DNER: variants seen among roughly 807,000 people sequenced by gnomAD.
DNER encodes delta and Notch-like epidermal growth factor-related receptor.
Under a neutral mutation model 78.2 loss-of-function variants are expected in DNER, and 33 were observed. That is an observed-to-expected ratio of 0.42 (90% confidence interval 0.32 to 0.56). The LOEUF (loss-of-function observed/expected upper bound fraction) is 0.56, where lower values mean the gene tolerates loss of function less well. Ranked by LOEUF, DNER falls within the 20% of genes least tolerant of loss-of-function variation. The pLI, the probability that DNER is intolerant of heterozygous loss-of-function variation, is 0.11. For synonymous variants in DNER, 417 were observed against 384.8 expected (o/e 1.08, Z -0.98); for missense variants, 918 against 975.3 (o/e 0.94, Z 0.78).
chr2:229,542,955 A>G (rs1334316010), intron 5 of DNER, among the ~76,000 whole-genome samples: 1 of 152,068 alleles, frequency 6.6e-6, no homozygotes, highest in Admixed American at 6.6e-5. Context: ...GGTAATAATA[A>G]TGGCTCAGAT....
intron 5 of DNER, among the ~76,000 whole-genome samples, chr2:229,526,023 G>C (rs187795598): frequency 6.6e-6 from 1 of 152,072 alleles, no homozygotes; most frequent in Non-Finnish European, 1.5e-5. Flanking sequence ...TGAACAAAAG[G>C]CAGGTTAGAT....
chr2:229,488,790 C>T (rs553722062), intron 6 of DNER, among the ~76,000 whole-genome samples: 215 of 152,350 alleles, frequency 1.4e-3, no homozygotes, highest in African/African-American at 4.8e-3. Context: ...ACCTGGCTCC[C>T]CTGAGCAGGA....
chr2:229,499,718 C>T (rs950283229), intron 6 of DNER, among the ~76,000 whole-genome samples: 6 of 151,564 alleles, frequency 4.0e-5, no homozygotes, highest in South Asian at 4.2e-4. Context: ...AATAGACAAA[C>T]GGGATTACAT....
At chr2:229,569,106 C>T (rs187418337) in intron 4 of DNER, among the ~76,000 whole-genome samples, 4 of 151,962 alleles carry the variant, frequency 2.6e-5, no homozygotes, top group South Asian at 2.1e-4. Flanking sequence ...TGGATGGATG[C>T]GTATCTATGT....
chr2:229,445,036 G>A (rs546044701), intron 8 of DNER, among the ~76,000 whole-genome samples: 1 of 152,300 alleles, frequency 6.6e-6, no homozygotes, highest in South Asian at 2.1e-4. Flanking sequence ...GGAAGTTTTT[G>A]TTCAGAATGC....
chr2:229,581,410 A>G (rs2154214309), intron 4 of DNER, among the ~76,000 whole-genome samples: 1 of 152,312 alleles, frequency 6.6e-6, no homozygotes, highest in Non-Finnish European at 1.5e-5. Flanking sequence ...AATGTTAAAC[A>G]AAAGGCTAAT....
At chr2:229,393,199 G>A (rs765842297) in intron 10 of DNER, among the ~76,000 whole-genome samples, 16 of 152,202 alleles carry the variant, frequency 1.1e-4, no homozygotes, top group East Asian at 7.7e-4. Flanking sequence ...AGTCTGAGGC[G>A]GGCTGATCAC....
intron 5 of DNER, among the ~76,000 whole-genome samples, chr2:229,520,493 C>T (rs1696073368): frequency 1.3e-5 from 2 of 152,208 alleles, no homozygotes; most frequent in African/African-American, 4.8e-5. Flanking sequence ...AATGTCCAAA[C>T]ATCTGCTAGG....
chr2:229,673,845 C>T (rs1003937606), intron 1 of DNER, among the ~76,000 whole-genome samples: 6 of 152,364 alleles, frequency 3.9e-5, no homozygotes, highest in Middle Eastern at 3.4e-3. Context: ...CTGAGGCTGA[C>T]GCATACGGAC....
At chr2:229,594,259 G>A (rs1301330937) in intron 1 of DNER, among the ~76,000 whole-genome samples, 1 of 152,206 alleles carries the variant, frequency 6.6e-6, no homozygotes, top group East Asian at 1.9e-4. Context: ...CTGAAATGGA[G>A]AAGGATCTTC....
intron 8 of DNER, among the ~76,000 whole-genome samples, chr2:229,433,655 C>T (rs1694063486): frequency 1.3e-5 from 2 of 152,062 alleles, no homozygotes; most frequent in Admixed American, 1.3e-4. Flanking sequence ...TTCCTTAACC[C>T]ACAGGAATAA....
intron 6 of DNER, among the ~76,000 whole-genome samples, chr2:229,488,047 C>T (rs551265716): frequency 3.7e-4 from 57 of 152,298 alleles, no homozygotes; most frequent in South Asian, 3.5e-3. Flanking sequence ...AACCACTCAC[C>T]GCCATTTCAG....
intron 10 of DNER, among the ~76,000 whole-genome samples, chr2:229,404,937 A>G (rs1693349061): frequency 1.3e-5 from 2 of 152,230 alleles, no homozygotes; most frequent in Non-Finnish European, 2.9e-5. Flanking sequence ...ATTATGGACT[A>G]AAATATAACA....
chr2:229,594,825 G>T (rs1559177098), intron 1 of DNER, among the ~76,000 whole-genome samples: 1 of 152,052 alleles, frequency 6.6e-6, no homozygotes, highest in Non-Finnish European at 1.5e-5. Flanking sequence ...GCTATTAAAT[G>T]TAGGCCAATT....
rs774454579 is a variant in DNER, at chr2:229,547,000, C to T, written c.940G>A (p.Ala314Thr). 18 of 1,614,150 alleles carry T rather than the reference C, an allele frequency of 1.1e-5. No individual in the cohort carries two copies. The highest frequency in any genetic ancestry group is 2.7e-5 in the African/African-American group (2 of 75,046). Reference protein sequence around the residue: ...VSTCVPGESHANDLECSGKGK... With the variant: ...VSTCVPGESHTNDLECSGKGK... Reference sequence around the variant, plus strand: ...TTTCCTGAACACTCCAAGTCATTTGCGTGACTCTCCCCCGGCACACAGGTG... The same window carrying T: ...TTTCCTGAACACTCCAAGTCATTTGTGTGACTCTCCCCCGGCACACAGGTG... Residue 314 changes from alanine to threonine, a missense_variant, in exon 5 of 13, where the codon GCA becomes ACA. Physicochemically the swap from Ala to Thr is moderately conservative, Grantham distance 58 (BLOSUM62 0). Transcript: ENST00000341772.
intron 7 of DNER, among the ~76,000 whole-genome samples, chr2:229,470,935 T>C (rs1474097026): frequency 6.6e-6 from 1 of 152,186 alleles, no homozygotes; most frequent in East Asian, 1.9e-4. Flanking sequence ...TGAAACTATA[T>C]ACTACTCCAA....
rs1314908725 is a variant in DNER at position 229,429,197 on chromosome 2, A to C, written c.1487-10967T>G. Among the ~76,000 whole-genome samples the C allele has an allele frequency of 2.6e-5, 4 of 152,178 alleles. No homozygotes were observed. The East Asian group carries it at 7.7e-4, about 29-fold the overall frequency. On this transcript the variant is annotated intron_variant, in intron 8 of 12. Transcript: ENST00000341772. ...CAGCAGGATTCTTGCTTCCCAAGTG[A>C]AATACATATTCTTGCTTCCCTTATT...
chr2:229,404,997 G>GA (rs1288952220), intron 10 of DNER, among the ~76,000 whole-genome samples: 4 of 152,082 alleles, frequency 2.6e-5, no homozygotes, highest in Non-Finnish European at 4.4e-5. Context: ...AATGACAGTG[G>GA]AAAAATATGT....
intron 7 of DNER, among the ~76,000 whole-genome samples, chr2:229,460,099 G>A (rs1388108104): frequency 1.4e-5 from 2 of 138,918 alleles, no homozygotes; most frequent in African/African-American, 5.4e-5. Context: ...GGAGCTTGCA[G>A]TGAGCAGAGA....
Sources: gnomAD v4.1 joint callset for allele counts (sites outside exome capture counted in the v4.1 genomes callset) on GRCh38, gnomAD v4.1.1 for gene constraint, MANE v1.5 for transcripts, NCBI Gene and HGNC (gene_info 2026-07-23, HGNC 2026-07-21) for gene names.